MED12L: variants seen among roughly 807,000 people sequenced by gnomAD.
MED12L encodes the protein mediator of RNA polymerase II transcription subunit 12-like protein.
MED12L carries 60 observed loss-of-function variants against 281.3 expected under a neutral mutation model. That is an observed-to-expected ratio of 0.21 (90% CI 0.17 to 0.26). The LOEUF (loss-of-function observed/expected upper bound fraction) is 0.26, where lower values mean the gene tolerates loss of function less well. Ranked by LOEUF, MED12L falls within the 10% of genes least tolerant of loss-of-function variation. MED12L has a pLI of 1.00. For missense variants in MED12L, 2,146 were observed against 2,680.9 expected, an observed-to-expected ratio of 0.80 and a Z score of 4.41; for synonymous variants, 974 against 987.2, an observed-to-expected ratio of 0.99 and a Z score of 0.25.
At chr3:151,162,141 A>G (rs1006519536) in intron 8 of MED12L, among the ~76,000 whole-genome samples, 3 of 152,178 alleles carry the variant, frequency 2.0e-5, no homozygotes, top group African/African-American at 7.2e-5. Context: ...TTTTTGGGCT[A>G]AGAGCAAATA....
intron 43 of MED12L, among the ~76,000 whole-genome samples, chr3:151,417,793 C>A (rs535814799): frequency 6.6e-6 from 1 of 152,200 alleles, no homozygotes; most frequent in Non-Finnish European, 1.5e-5. Context: ...TAAGTTAATT[C>A]TTTTTAATTA....
At chr3:151,331,288 CT>C (rs2149882751) in intron 16 of MED12L, among the ~76,000 whole-genome samples, 1 of 152,242 alleles carries the variant, frequency 6.6e-6, no homozygotes, top group African/African-American at 2.4e-5. Context: ...CTGGGGAGGC[CT>C]TTTGCCCTTG....
chr3:151,094,563 G>A (rs1184204789), intron 2 of MED12L, among the ~76,000 whole-genome samples: 2 of 152,172 alleles, frequency 1.3e-5, no homozygotes, highest in African/African-American at 4.8e-5. Context: ...AAAGCTGGGT[G>A]ATGGTGACAA....
chr3:151,395,036 A>C (rs183901936), intron 39 of MED12L, among the ~76,000 whole-genome samples, 169 bp downstream of exon 39: 3 of 152,134 alleles, frequency 2.0e-5, no homozygotes, highest in Admixed American at 2.0e-4. Context: ...CCTCCATTGT[A>C]CTTTACTGTT....
chr3:151,245,478 T>A (rs1262791803), intron 16 of MED12L, among the ~76,000 whole-genome samples: 11 of 139,072 alleles, frequency 7.9e-5, no homozygotes, highest in Non-Finnish European at 1.1e-4. Context: ...CACAAATCAA[T>A]AAATGTAATC....
rs991968365 is a variant in MED12L, at chr3:151,434,518, C to T, written c.*1714C>T. ...ACTAAATTAATAGTCTATCTGCTTT[C>T]AGAAGATGTATCATCTATCTGTACA... is the stretch of plus-strand genomic sequence containing the variant. On this transcript the variant is annotated 3_prime_UTR_variant, in exon 45 of 45. Transcript: ENST00000687756. 2.1e-5 allele frequency: 1 copy of T among 47,976 alleles called. No individual in the cohort carries two copies. The highest frequency in any genetic ancestry group is 5.0e-5 in the Non-Finnish European group (1 of 20,032). 3.0% of individuals were successfully genotyped at this position (47,976 alleles called of 1,614,324 possible).
chr3:151,297,841 A>G (rs533271734), intron 16 of MED12L, among the ~76,000 whole-genome samples: 1 of 152,276 alleles, frequency 6.6e-6, no homozygotes, highest in South Asian at 2.1e-4. Context: ...CAGAATGTCA[A>G]AAAAGGTTGT....
Position 151,159,985 on chromosome 3 carries a change from G to T in MED12L, c.991G>T (p.Ala331Ser), listed in dbSNP as rs781393856. 2.5e-6 allele frequency: 4 copies of T among 1,614,154 alleles called. No individual in the cohort carries two copies. Among genetic ancestry groups the T allele is most frequent in the Non-Finnish European group, 1.7e-6 (2 of 1,180,022 alleles). Residue 331 changes from alanine (A) to serine (S), a missense_variant, in exon 8 of 45, where the codon GCC becomes TCC. This residue lies in a region of MED12L where 722 missense variants were observed against 861.2 expected (regional missense o/e 0.84). Coordinates refer to ENST00000687756, the MANE Select transcript of MED12L (RefSeq NM_001393769.1). ...AGGACCAAACAACTCGAGTATCGGG[G>T]CCCCCAGCCCTGGCCCCCCCGGCCC... ...MIGPNNSSIGAPSPGPPGPGM... is the reference protein window; with the variant it reads ...MIGPNNSSIGSPSPGPPGPGM...
At chr3:151,152,099 T>G (rs976210574) in intron 5 of MED12L, among the ~76,000 whole-genome samples, 1 of 123,358 alleles carries the variant, frequency 8.1e-6, no homozygotes, top group Non-Finnish European at 1.7e-5. Context: ...TTTTTTTTTT[T>G]TTTTTTTTTT....
intron 16 of MED12L, 44 bp downstream of exon 16, chr3:151,193,710 A>T (rs532347138): frequency 2.0e-6 from 3 of 1,469,384 alleles, no homozygotes; most frequent in East Asian, 4.6e-5. Flanking sequence ...TTATTTTATT[A>T]TAAGATCAAT....
At chr3:151,320,991 T>C (rs538435564) in intron 16 of MED12L, among the ~76,000 whole-genome samples, 2 of 152,314 alleles carry the variant, frequency 1.3e-5, no homozygotes, top group African/African-American at 4.8e-5. Context: ...ACAGTGTAGT[T>C]CCACAGTGTT....
intron 31 of MED12L, 125 bp downstream of exon 31, chr3:151,378,298 G>A: frequency 5.1e-6 from 5 of 987,028 alleles, no homozygotes; most frequent in South Asian, 5.2e-5. Context: ...AATGGAACTG[G>A]GAATATTCTA....
At chr3:151,135,912 G>A (rs1289931946) in intron 5 of MED12L, among the ~76,000 whole-genome samples, 1 of 152,166 alleles carries the variant, frequency 6.6e-6, no homozygotes, top group African/African-American at 2.4e-5. Context: ...GAATTTTTGG[G>A]TATTCAATAT....
intron 5 of MED12L, among the ~76,000 whole-genome samples, chr3:151,143,499 G>C (rs977043882): frequency 6.6e-6 from 1 of 152,218 alleles, no homozygotes; most frequent in Non-Finnish European, 1.5e-5. Context: ...TGGGAGAGGA[G>C]GTGAGGGTCG....
At chr3:151,268,241 A>G (rs979971221) in intron 16 of MED12L, among the ~76,000 whole-genome samples, 2 of 142,932 alleles carry the variant, frequency 1.4e-5, no homozygotes, top group African/African-American at 2.6e-5. Context: ...AATATCTTGT[A>G]ACATTTATTA....
chr3:151,229,930 TTA>T (rs1336258465), intron 16 of MED12L, among the ~76,000 whole-genome samples: 16 of 152,120 alleles, frequency 1.1e-4, no homozygotes, highest in South Asian at 1.0e-3. Flanking sequence ...CCTTTACTTT[TTA>T]TGAGTCCTAG....
chr3:151,425,566 T>TTGTGTGTG (rs149475948), intron 43 of MED12L: 42 of 383,914 alleles, frequency 1.1e-4, no homozygotes, highest in African/African-American at 5.2e-4. Context: ...TTGTTTTTGT[T>TTGTGTGTG]TGTGTGTGTG....
intron 17 of MED12L, among the ~76,000 whole-genome samples, chr3:151,354,759 C>T (rs1053136315): frequency 1.3e-5 from 2 of 152,132 alleles, no homozygotes; most frequent in Non-Finnish European, 2.9e-5. Flanking sequence ...AAAATTACCT[C>T]AGCAACATGA....
chr3:151,141,088 C>T (rs535578826), intron 5 of MED12L, among the ~76,000 whole-genome samples: 14 of 151,676 alleles, frequency 9.2e-5, no homozygotes, highest in Admixed American at 3.9e-4. Context: ...ATGATGGTCT[C>T]GATCTCCTGA....
Sources: allele counts gnomAD v4.1 joint callset (sites outside exome capture counted in the v4.1 genomes callset), GRCh38; gene constraint gnomAD v4.1.1; regional missense constraint gnomAD v4.1.1; transcripts MANE v1.5; gene names NCBI Gene and HGNC (gene_info 2026-07-23, HGNC 2026-07-21).